The following ATP13A2 variants were observed in gnomAD, a reference collection of about 807,000 sequenced individuals.
The protein encoded by ATP13A2 is ATPase cation transporting 13A2.
ATP13A2 carries 83 observed loss-of-function variants against 138.3 expected under a neutral mutation model. That is an observed-to-expected ratio of 0.60 (90% CI 0.50 to 0.72). The LOEUF (loss-of-function observed/expected upper bound fraction) is 0.72. ATP13A2 is among the 30% of genes least tolerant of loss of function. The pLI is 0.00. For synonymous variants in ATP13A2, 663 were observed against 699.0 expected, an observed-to-expected ratio of 0.95 and a Z score of 0.81; for missense variants, 1,402 against 1,606.4, an observed-to-expected ratio of 0.87 and a Z score of 2.17.
In ATP13A2 at chr1:16,987,186, C is replaced by G. The variant is rs746372968; in HGVS notation, c.2943G>C (p.Thr981=). ...CCCGTCCCAGGACCAGCGCTGGCCC[C>G]GTGCGGCTCATGAGCACTGCCACTG... ...TTTVAVLMSR[T]GPALVLGRVR... Residue 981 remains threonine (T), a synonymous_variant, in exon 26 of 29, where the codon ACG becomes ACC. Coordinates refer to ENST00000326735, the MANE Select transcript of ATP13A2 (RefSeq NM_022089.4). 8 of 1,613,700 alleles carry G rather than the reference C, an allele frequency of 5.0e-6. No homozygotes were observed. The highest frequency in any genetic ancestry group is 1.1e-5 in the South Asian group (1 of 91,070).
intron 9 of ATP13A2, 29 bp from the exon 10 acceptor site, chr1:17,000,341 G>A: frequency 6.3e-7 from 1 of 1,585,516 alleles, no homozygotes; most frequent in African/African-American, 1.3e-5. Context: ...AGGGCCGTGA[G>A]TGGGTGGGGG....
rs146086326 is a variant in ATP13A2 at position 17,005,022 on chromosome 1, G to A, written c.339C>T (p.Gly113=). The A allele has an allele frequency of 6.2e-6, 10 of 1,614,008 alleles. No individual in the cohort carries two copies. The East Asian group carries it at 6.7e-5, about 11-fold the overall frequency. ...FTVQVQTEAI[G]EGSLEPSPQS... The stretch of plus-strand genomic sequence containing the variant: ...CAATGGGGCTGCCTCACCTGCCCTC[G>A]CCGATGGCCTCAGTCTGCACCTGGA... Residue 113 remains glycine (G), a synonymous_variant, in exon 4 of 29, where the codon GGC becomes GGT. Coordinates refer to ENST00000326735, the MANE Select transcript of ATP13A2 (RefSeq NM_022089.4).
In ATP13A2 at chr1:16,987,174, C is replaced by G. The variant is rs1279837863; in HGVS notation, c.2955G>C (p.Leu985=). Residue 985 remains leucine, a synonymous_variant, in exon 26 of 29, where the codon CTG becomes CTC. Coordinates refer to ENST00000326735, the MANE Select transcript of ATP13A2 (RefSeq NM_022089.4). The part of the protein sequence containing the change: ...AVLMSRTGPA[L]VLGRVRPPGA... ...CCGGTGGCCGCACCCGTCCCAGGAC[C>G]AGCGCTGGCCCCGTGCGGCTCATGA... 1 of 1,613,456 alleles carries G rather than the reference C, an allele frequency of 6.2e-7. No homozygotes were observed. Among genetic ancestry groups the G allele is most frequent in the East Asian group, 2.2e-5 (1 of 44,884 alleles).
Position 16,986,824 on chromosome 1 carries a change from G to A in ATP13A2, c.3216C>T (p.Arg1072=). The A allele has an allele frequency of 6.2e-7, 1 of 1,613,508 alleles. No homozygotes were observed. Among genetic ancestry groups the A allele is most frequent in the Non-Finnish European group, 8.5e-7 (1 of 1,179,874 alleles). ...AAAVSKGAPF[R]RPLYTNVPFL... Reference sequence around the variant, plus strand: ...TGGCACCATTGGTGTAGAGCGGCCGGCGGAAGGGCGCCCCCTTGGACACGG... The same window carrying A: ...TGGCACCATTGGTGTAGAGCGGCCGACGGAAGGGCGCCCCCTTGGACACGG... Residue 1072 remains arginine (R), a synonymous_variant, in exon 27 of 29, where the codon CGC becomes CGT. Transcript: ENST00000326735. The surrounding 1 kb of genome is among the most constrained non-coding windows in gnomAD (Gnocchi z 6.9).
In ATP13A2 at chr1:16,992,576, C is replaced by T. The variant is rs200184146; in HGVS notation, c.1755G>A (p.Leu585=). The T allele has an allele frequency of 5.6e-6, 9 of 1,614,216 alleles. No homozygotes were observed. The Admixed American group carries it at 8.3e-5, about 15-fold the overall frequency. The part of the protein sequence containing the change: ...LKMVESTGWV[L]EEEPAADSAF... ...CTGAGTCTGCAGCCGGCTCTTCCTCCAGGACCTGGCAGGCAGGCAGGGAAG... is the reference window on the plus strand; with the variant it reads ...CTGAGTCTGCAGCCGGCTCTTCCTCTAGGACCTGGCAGGCAGGCAGGGAAG... The change falls in exon 17 of 29, where the codon CTG becomes CTA. Residue 585 remains leucine (L), a synonymous_variant. Coordinates refer to ENST00000326735, the MANE Select transcript of ATP13A2 (RefSeq NM_022089.4).
rs773094020 is a variant in ATP13A2 at position 17,002,106 on chromosome 1, G to A, written c.636-3C>T. The A allele has an allele frequency of 6.2e-7, 1 of 1,613,274 alleles. No individual in the cohort carries two copies. On this transcript the variant is annotated splice_region_variant and splice_polypyrimidine_tract_variant and intron_variant, in intron 7 of 28. Coordinates refer to ENST00000326735, the MANE Select transcript of ATP13A2 (RefSeq NM_022089.4). ...CGTTGGGGCCGTAAATGGCCTTCCT[G>A]GAAGAGGGGATGAGGCCAAGCCATC...
At position 17,007,749 on chromosome 1, in the gene ATP13A2, C is replaced by T. The variant is rs192176104; in HGVS notation, c.11-1971G>A. 7.2e-3 allele frequency among the ~76,000 whole-genome samples: 1,088 copies of T among 152,104 alleles called. 16 individuals carry two copies. The highest frequency in any genetic ancestry group is 0.031 in the Middle Eastern group (9 of 294). On this transcript the variant is annotated intron_variant, in intron 1 of 28. Coordinates refer to ENST00000326735, the MANE Select transcript of ATP13A2 (RefSeq NM_022089.4). ...TGTATTTTTAGTAGAGATGGGGTTT[C>T]ACCGTGTTAGCCAGGATGGTCTCGA...
Position 17,002,076 on chromosome 1 carries a change from G to T in ATP13A2, c.663C>A (p.Ile221=), listed in dbSNP as rs746487021. The part of the protein sequence containing the change: ...VRKAIYGPNV[I]SIPVKSYPQL... ...GGGGGTAGGACTTGACCGGTATGCTGATCACGTTGGGGCCGTAAATGGCCT... is the reference window on the plus strand; with the variant it reads ...GGGGGTAGGACTTGACCGGTATGCTTATCACGTTGGGGCCGTAAATGGCCT... Residue 221 remains isoleucine (I), a synonymous_variant, in exon 8 of 29, where the codon ATC becomes ATA. Transcript: ENST00000326735. The T allele has an allele frequency of 1.2e-6, 2 of 1,613,702 alleles. No homozygotes were observed. Among genetic ancestry groups the T allele is most frequent in the Non-Finnish European group, 1.7e-6 (2 of 1,179,900 alleles).
At chr1:16,989,853 C>T (rs758449038) in intron 22 of ATP13A2, 34 bp downstream of exon 22, 7 of 1,608,758 alleles carry the variant, frequency 4.4e-6, no homozygotes, top group Admixed American at 3.4e-5. Flanking sequence ...GCAGGGGAGG[C>T]GCAGGGCGGC....
Position 17,002,016 on chromosome 1 carries a change from AC to A in ATP13A2, c.705+17del. 1 of 1,603,596 alleles carries A rather than the reference AC, an allele frequency of 6.2e-7. No individual in the cohort carries two copies. Among genetic ancestry groups the A allele is most frequent in the Non-Finnish European group, 8.5e-7 (1 of 1,173,492 alleles). On this transcript the variant is annotated intron_variant, in intron 8 of 28. Transcript: ENST00000326735. ...GCACGCCAGGCAGGGCTGGGGCAAG[AC>A]CCAGGGACAGCCCTACCTCGTCCAC...
Position 16,988,156 on chromosome 1 carries a change from G to A in ATP13A2, c.2841C>T (p.Ser947=), listed in dbSNP as rs754030102. The change falls in exon 25 of 29, where the codon TCC becomes TCT. Residue 947 remains serine, a synonymous_variant. Transcript: ENST00000326735. ...TACTCACCGTGTAGAGGATCAGGAC[G>A]GAGATGAACTGGGTCAGGCTGTACA... ...MALYSLTQFI[S]VLILYTINTN... is the part of the protein sequence containing the mutation. 1.7e-5 allele frequency: 27 copies of A among 1,614,028 alleles called. No homozygotes were observed. The highest frequency in any genetic ancestry group is 1.1e-4 in the South Asian group (10 of 91,056).
intron 15 of ATP13A2, among the ~76,000 whole-genome samples, chr1:16,994,277 C>T (rs894939309): frequency 7.2e-5 from 11 of 151,930 alleles, no homozygotes; most frequent in African/African-American, 2.2e-4. Flanking sequence ...CTGTCGCCCG[C>T]GCTGGAGTGC....
rs1369011174 is a variant in ATP13A2 at position 16,992,270 on chromosome 1, C to T, written c.1978G>A (p.Val660Met). ...EAYVKGSPELVAGLCNPETVP... is the reference protein window; with the variant it reads ...EAYVKGSPELMAGLCNPETVP... ...GTCTCGGGGTTGCAGAGCCCTGCCA[C>T]CAGCTCCGGGGAGCCTTTGACGTAG... Residue 660 changes from valine to methionine, a missense_variant, in exon 18 of 29, where the codon GTG becomes ATG. Physicochemically the swap from Val to Met is conservative, Grantham distance 21 (BLOSUM62 1). Coordinates refer to ENST00000326735, the MANE Select transcript of ATP13A2 (RefSeq NM_022089.4). The T allele has an allele frequency of 1.2e-6, 2 of 1,612,652 alleles. No homozygotes were observed. Among genetic ancestry groups the T allele is most frequent in the East Asian group, 2.2e-5 (1 of 44,876 alleles).
rs564148694 is a variant in ATP13A2 at position 16,996,118 on chromosome 1, A to T, written c.1400T>A (p.Val467Glu). ...IVIRALDLVT[V>E]VVPPALPAAM... ...AGCAGGCAGGGCAGGTGGCACCACCACGGTCACCAGGTCGAGAGCCCGGAT... is the reference window on the plus strand; with the variant it reads ...AGCAGGCAGGGCAGGTGGCACCACCTCGGTCACCAGGTCGAGAGCCCGGAT... Residue 467 changes from valine to glutamate, a missense_variant, in exon 15 of 29, where the codon GTG becomes GAG. Physicochemically the swap from Val to Glu is moderately radical, Grantham distance 121. Transcript: ENST00000326735. 4 of 1,614,092 alleles carry T rather than the reference A, an allele frequency of 2.5e-6. No homozygotes were observed. In the African/African-American group the frequency reaches 5.3e-5, roughly 22 times the overall value.
Position 16,986,663 on chromosome 1 carries a change from C to T in ATP13A2, c.3236-31G>A, listed in dbSNP as rs974555954. 1.3e-6 allele frequency: 2 copies of T among 1,583,908 alleles called. No homozygotes were observed. The highest frequency in any genetic ancestry group is 2.2e-5 in the South Asian group (2 of 88,930). The stretch of plus-strand genomic sequence containing the variant: ...AGCAGGAGAGTCTCTCAGGCAGGAG[C>T]CACGCCCCCCCGGCACCCACAGACA... On this transcript the variant is annotated intron_variant, in intron 27 of 28. Transcript: ENST00000326735. This position sits in a 1 kb window ranked among gnomAD's most constrained non-coding sequence, Gnocchi z 6.9.
Position 17,000,104 on chromosome 1 carries a change from C to T in ATP13A2, c.946G>A (p.Asp316Asn). ...WVDSSELVPG[D>N]CLVLPQEGGL... is the part of the protein sequence containing the mutation. ...CCCTCCTGGGGCAGCACCAGGCAGT[C>T]TCCGGGCACTAGCTCACTGGAGTCC... The change falls in exon 11 of 29, where the codon GAC (aspartate) becomes AAC (asparagine). Residue 316 changes from aspartate (D) to asparagine (N), a missense_variant. Transcript: ENST00000326735. The T allele has an allele frequency of 6.2e-7, 1 of 1,613,532 alleles. No homozygotes were observed. Among genetic ancestry groups the T allele is most frequent in the Non-Finnish European group, 8.5e-7 (1 of 1,179,988 alleles).
Position 16,990,713 on chromosome 1 carries a change from G to T in ATP13A2, c.2252-426C>A, listed in dbSNP as rs188118498. 3.4e-3 allele frequency among the ~76,000 whole-genome samples: 523 copies of T among 152,148 alleles called. 3 individuals are homozygous for T. The highest frequency in any genetic ancestry group is 0.011 in the African/African-American group (475 of 41,544). ...TTTTTTGCATTTTTAGTAGAGATGGGGTTTCACCATGTTGGCCAGTCTGGT... is the reference window on the plus strand; with the variant it reads ...TTTTTTGCATTTTTAGTAGAGATGGTGTTTCACCATGTTGGCCAGTCTGGT... On this transcript the variant is annotated intron_variant, in intron 20 of 28. Coordinates refer to ENST00000326735, the MANE Select transcript of ATP13A2 (RefSeq NM_022089.4).
Position 17,002,363 on chromosome 1 carries a change from G to A in ATP13A2, c.568C>T (p.His190Tyr), listed in dbSNP as rs1384652352. ...TGGACGTCGTCACAAGAGCGGCCAT[G>A]GTCCAGGAGGCTGGGGGTGGGTGCG... is the stretch of plus-strand genomic sequence containing the variant. ...QAFYQVSLLD[H>Y]GRSCDDVHRS... The change falls in exon 7 of 29, where the codon CAT becomes TAT. Residue 190 changes from histidine (H) to tyrosine (Y), a missense_variant. His to Tyr is a moderately conservative substitution (Grantham distance 83). Coordinates refer to ENST00000326735, the MANE Select transcript of ATP13A2 (RefSeq NM_022089.4). The A allele has an allele frequency of 1.9e-6, 3 of 1,613,118 alleles. No individual in the cohort carries two copies. The highest frequency in any genetic ancestry group is 2.5e-6 in the Non-Finnish European group (3 of 1,179,794).
rs778787124 is a variant in ATP13A2, at chr1:16,993,673, C to T, written c.1705G>A (p.Val569Met). ...ATCTTCAAGTCCATGGGGTCGCCCACGGGGGTGTCCTGGAGCCGGCTGAGG... is the reference window on the plus strand; with the variant it reads ...ATCTTCAAGTCCATGGGGTCGCCCATGGGGGTGTCCTGGAGCCGGCTGAGG... ...HALSRLQDTPVGDPMDLKMVE... is the reference protein window; with the variant it reads ...HALSRLQDTPMGDPMDLKMVE... The change falls in exon 16 of 29, where the codon GTG becomes ATG. Residue 569 changes from valine (V) to methionine (M), a missense_variant. Val to Met is a conservative substitution (Grantham distance 21). Coordinates refer to ENST00000326735, the MANE Select transcript of ATP13A2 (RefSeq NM_022089.4). 10 of 1,595,914 alleles carry T rather than the reference C, an allele frequency of 6.3e-6. No individual in the cohort carries two copies. Among genetic ancestry groups the T allele is most frequent in the East Asian group, 2.3e-5 (1 of 44,266 alleles).
Sources: gnomAD v4.1 joint callset for allele counts (sites outside exome capture counted in the v4.1 genomes callset) on GRCh38, gnomAD v4.1.1 for gene constraint, Gnocchi (gnomAD v3.1) non-coding constraint, MANE v1.5 for transcripts, NCBI Gene and HGNC (gene_info 2026-07-23, HGNC 2026-07-21) for gene names.